The following NOP56 variants were observed in gnomAD, a reference collection of about 807,000 sequenced individuals.
NOP56 encodes the protein nucleolar protein 56.
NOP56 carries 31 observed loss-of-function variants against 58.3 expected under a neutral mutation model. The observed-to-expected ratio is 0.53, with a 90% CI of 0.40 to 0.72. The LOEUF (loss-of-function observed/expected upper bound fraction) is 0.72. NOP56 is among the 30% of genes least tolerant of loss of function. NOP56 has a pLI of 0.00. For synonymous variants in NOP56, 313 were observed against 282.8 expected (o/e 1.11, Z -1.07); for missense variants, 669 against 739.9 (o/e 0.90, Z 1.11).
intron 3 of NOP56, chr20:2,653,682 G>A: frequency 3.3e-6 from 1 of 303,644 alleles, no homozygotes; most frequent in South Asian, 3.8e-5. Context: ...TTTTGAGATG[G>A]AGTCTGTCCC....
In NOP56 at chr20:2,652,827, C is replaced by G. The variant is rs748700095; in HGVS notation, c.4-15C>G. On this transcript the variant is annotated splice_polypyrimidine_tract_variant and intron_variant, in intron 1 of 11. Coordinates refer to ENST00000329276, the MANE Select transcript of NOP56 (RefSeq NM_006392.4). ...TGAGGTTGCGTTGACGCTCGCGCCC[C>G]GGCTCCCGTTCCAGGTGCTGTTGCA... is the stretch of plus-strand genomic sequence containing the variant. The G allele has an allele frequency of 3.7e-6, 6 of 1,607,338 alleles. 1 individual carries two copies. Among genetic ancestry groups the G allele is most frequent in the Middle Eastern group, 1.7e-4 (1 of 5,840 alleles).
At chr20:2,656,927 A>G in intron 10 of NOP56, 32 bp downstream of exon 10, 1 of 1,614,098 alleles carries the variant, frequency 6.2e-7, no homozygotes, top group Non-Finnish European at 8.5e-7. Flanking sequence ...GTGGAGTGGC[A>G]TAGCTAGCTG....
chr20:2,656,391 A>G lies in NOP56; in HGVS notation c.1011-10A>G, dbSNP rs778795612. 6.2e-7 allele frequency: 1 copy of G among 1,614,030 alleles called. No individual in the cohort carries two copies. The highest frequency in any genetic ancestry group is 1.1e-5 in the South Asian group (1 of 91,082). ...TCTGATCTTAAACTCTCCACTGAAT[A>G]TTCTCTCAGAGCCCTGAAGACAAGG... On this transcript the variant is annotated splice_polypyrimidine_tract_variant and intron_variant, in intron 8 of 11. Coordinates refer to ENST00000329276, the MANE Select transcript of NOP56 (RefSeq NM_006392.4).
rs796296306 is a variant in NOP56, at chr20:2,655,751, G to A, written c.909+5G>A. ...TCAGCCCTAATTGGGGAAGCGGTGC[G>A]TCACAGGGGACTCAAAAATGGGAGA... On this transcript the variant is annotated splice_donor_5th_base_variant and intron_variant, in intron 7 of 11. Coordinates refer to ENST00000329276, the MANE Select transcript of NOP56 (RefSeq NM_006392.4). 4.3e-6 allele frequency: 7 copies of A among 1,614,062 alleles called. No homozygotes were observed. The highest frequency in any genetic ancestry group is 1.1e-5 in the South Asian group (1 of 91,084).
rs780014888 is a variant in NOP56 at position 2,654,940 on chromosome 20, C to T, written c.562C>T (p.Arg188Cys). Residue 188 changes from arginine to cysteine, a missense_variant, in exon 5 of 12, where the codon CGT (arginine) becomes TGT (cysteine). Arg to Cys is a radical substitution (Grantham distance 180). Coordinates refer to ENST00000329276, the MANE Select transcript of NOP56 (RefSeq NM_006392.4). ...TAAGGACATCAATACCTTCTCTATG[C>T]GTGTCAGGTAAAGTGCAGGGGCCAC... Reference protein sequence around the residue: ...LDKDINTFSMRVREWYGYHFP... With the variant: ...LDKDINTFSMCVREWYGYHFP... 1.2e-5 allele frequency: 20 copies of T among 1,613,944 alleles called. No individual in the cohort carries two copies. Among genetic ancestry groups the T allele is most frequent in the Non-Finnish European group, 1.6e-5 (19 of 1,180,028 alleles).
At chr20:2,653,051 GA>G in intron 2 of NOP56, 120 bp downstream of exon 2, 1 of 917,718 alleles carries the variant, frequency 1.1e-6, no homozygotes, top group Non-Finnish European at 1.6e-6. Context: ...GACGGGCCTG[GA>G]AAGCTCTAGA....
rs1050934252 is a variant in NOP56 at position 2,652,890 on chromosome 20, G to A, written c.52G>A (p.Ala18Thr). 1.3e-5 allele frequency: 21 copies of A among 1,610,714 alleles called. No homozygotes were observed. Among genetic ancestry groups the A allele is most frequent in the East Asian group, 2.2e-5 (1 of 44,666 alleles). Residue 18 changes from alanine to threonine, a missense_variant, in exon 2 of 12, where the codon GCG (alanine) becomes ACG (threonine). By Grantham distance (58) the Ala-to-Thr change is moderately conservative. This residue lies in a region of NOP56 where 121 missense variants were observed against 113.1 expected (regional missense o/e 1.07). Coordinates refer to ENST00000329276, the MANE Select transcript of NOP56 (RefSeq NM_006392.4). ...GCACGCGGTCGGCTACGCGCTGCTGGCGCTGAAGGAAGTGGAGGAGATCAG... is the reference window on the plus strand; with the variant it reads ...GCACGCGGTCGGCTACGCGCTGCTGACGCTGAAGGAAGTGGAGGAGATCAG... ...FEHAVGYALL[A>T]LKEVEEISLL... is the part of the protein sequence containing the mutation.
At position 2,658,188 on chromosome 20, in the gene NOP56, G is replaced by A; in HGVS notation, c.1679G>A (p.Arg560Lys). ...CACAGAAGTGGCTCCAAGAAAAAGA[G>A]GAAATTCTCCAAAGAGGAGCCGGTC... ...AGHRSGSKKK[R>K]KFSKEEPVSS... The change falls in exon 12 of 12, where the codon AGG becomes AAG. Residue 560 changes from arginine to lysine, a missense_variant. Physicochemically the swap from Arg to Lys is conservative, Grantham distance 26. This residue lies in a region of NOP56 where 209 missense variants were observed against 196.2 expected (regional missense o/e 1.07). Transcript: ENST00000329276. 6.2e-7 allele frequency: 1 copy of A among 1,610,210 alleles called. No homozygotes were observed. The highest frequency in any genetic ancestry group is 1.3e-5 in the African/African-American group (1 of 74,974).
chr20:2,652,968 A>T, intron 2 of NOP56, 37 bp downstream of exon 2: 1 of 1,532,160 alleles, frequency 6.5e-7, no homozygotes, highest in Admixed American at 1.9e-5. Context: ...GCGGCCCCGC[A>T]GACCCTCATC....
rs764490986 is a variant in NOP56, at chr20:2,653,274, C to T, written c.94-5C>T. The T allele has an allele frequency of 1.2e-6, 2 of 1,611,218 alleles. No homozygotes were observed. The highest frequency in any genetic ancestry group is 2.2e-5 in the East Asian group (1 of 44,860). ...GGAAACCACTTAGCCTCTTTCTCCC[C>T]CCAGGTGGAGGAGTCTGTGCTCAAC... On this transcript the variant is annotated splice_polypyrimidine_tract_variant and splice_region_variant and intron_variant, in intron 2 of 11. Transcript: ENST00000329276.
Position 2,654,052 on chromosome 20 carries a change from G to C in NOP56, c.209-362G>C, listed in dbSNP as rs73576050. ...GTGTCTGGTTCTCTGCTTTCTGTTC[G>C]ATTGGAAAGGGCAGTTGGGTAAACA... On this transcript the variant is annotated intron_variant, in intron 3 of 11. Coordinates refer to ENST00000329276, the MANE Select transcript of NOP56 (RefSeq NM_006392.4). 842 of 433,870 alleles carry C rather than the reference G, an allele frequency of 1.9e-3. 8 individuals are homozygous for C. The highest frequency in any genetic ancestry group is 0.016 in the African/African-American group (796 of 50,306). 26.9% of individuals were successfully genotyped at this position (433,870 alleles called of 1,614,324 possible).
intron 11 of NOP56, 129 bp downstream of exon 11, chr20:2,657,347 T>TCTAAAACTA (rs1410020313): frequency 7.8e-7 from 1 of 1,289,412 alleles, no homozygotes; most frequent in East Asian, 2.3e-5. Context: ...ACCTGAAACA[T>TCTAAAACTA]CTAAAACTAC....
chr20:2,657,413 C>T, intron 11 of NOP56, 195 bp downstream of exon 11: 1 of 833,056 alleles, frequency 1.2e-6, no homozygotes. Flanking sequence ...GCCCAGAGAG[C>T]TGGTTGTAGC....
At position 2,657,061 on chromosome 20, in the gene NOP56, T is replaced by C. The variant is rs531136782; in HGVS notation, c.1282-20T>C. On this transcript the variant is annotated intron_variant, in intron 10 of 11. Coordinates refer to ENST00000329276, the MANE Select transcript of NOP56 (RefSeq NM_006392.4). ...AGCACCAGAAGTCTTCAGGCCCTTTTAGCACTTTTCTTTGACCAGGCAGAG... is the reference window on the plus strand; with the variant it reads ...AGCACCAGAAGTCTTCAGGCCCTTTCAGCACTTTTCTTTGACCAGGCAGAG... 2 of 1,614,136 alleles carry C rather than the reference T, an allele frequency of 1.2e-6. No individual in the cohort carries two copies. The highest frequency in any genetic ancestry group is 4.5e-5 in the East Asian group (2 of 44,882).
At position 2,658,337 on chromosome 20, in the gene NOP56, C is replaced by G. The variant is rs746970225; in HGVS notation, c.*43C>G. On this transcript the variant is annotated 3_prime_UTR_variant, in exon 12 of 12. Coordinates refer to ENST00000329276, the MANE Select transcript of NOP56 (RefSeq NM_006392.4). ...TCTGGGAGGTGGGGCATACCATAGC[C>G]CAAGGTGACATTTCCCACCCTGTGC... 8.0e-5 allele frequency: 129 copies of G among 1,604,346 alleles called. No individual in the cohort carries two copies. The highest frequency in any genetic ancestry group is 1.0e-4 in the Non-Finnish European group (123 of 1,175,446).
intron 3 of NOP56, 100 bp from the exon 4 acceptor site, chr20:2,654,314 C>G (rs2146293025): frequency 8.3e-7 from 1 of 1,208,768 alleles, no homozygotes; most frequent in Middle Eastern, 1.9e-4. Context: ...TCTAGGTATG[C>G]CATCCCAGCG....
Position 2,652,868 on chromosome 20 carries a change from CG to C in NOP56, c.31del (p.Ala11ArgfsTer9). 6.2e-7 allele frequency: 1 copy of C among 1,611,510 alleles called. No homozygotes were observed. The highest frequency in any genetic ancestry group is 8.5e-7 in the Non-Finnish European group (1 of 1,179,236). MVLLHVLFEHAVGYALLALKE... is the reference protein window; with the variant it reads MVLLHVLFEHXVGYALLALKE... Reference sequence around the variant, plus strand: ...TGCTGTTGCACGTGCTGTTTGAGCACGCGGTCGGCTACGCGCTGCTGGCGCT... The same window carrying C: ...TGCTGTTGCACGTGCTGTTTGAGCACCGGTCGGCTACGCGCTGCTGGCGCT... On this transcript the variant is annotated frameshift_variant, in exon 2 of 12. Coordinates refer to ENST00000329276, the MANE Select transcript of NOP56 (RefSeq NM_006392.4). LOFTEE classifies it high-confidence loss of function.
In NOP56 at chr20:2,656,568, T is replaced by G; in HGVS notation, c.1159+19T>G. On this transcript the variant is annotated intron_variant, in intron 9 of 11. Transcript: ENST00000329276. ...TTCTCTGGTATGGGTGGGGGGGCGTTGGCAGGTGTGAGAAGGGGCTGGGTG... is the reference window on the plus strand; with the variant it reads ...TTCTCTGGTATGGGTGGGGGGGCGTGGGCAGGTGTGAGAAGGGGCTGGGTG... The G allele has an allele frequency of 6.4e-7, 1 of 1,568,624 alleles. No individual in the cohort carries two copies.
rs369864280 is a variant in NOP56 at position 2,657,233 on chromosome 20, C to T, written c.1419+15C>T. 24 of 1,613,896 alleles carry T rather than the reference C, an allele frequency of 1.5e-5. No individual in the cohort carries two copies. The highest frequency in any genetic ancestry group is 5.3e-5 in the African/African-American group (4 of 74,916). On this transcript the variant is annotated intron_variant, in intron 11 of 11. Transcript: ENST00000329276. ...AGGAGTGTGAGGTCAGTAGGCAGCACGGCCCTGGCAGAGATCCTAGGTTGT... is the reference window on the plus strand; with the variant it reads ...AGGAGTGTGAGGTCAGTAGGCAGCATGGCCCTGGCAGAGATCCTAGGTTGT...
Sources: gnomAD v4.1 joint callset for allele counts on GRCh38, gnomAD v4.1.1 for gene constraint, gnomAD v4.1.1 regional missense constraint, MANE v1.5 for transcripts, NCBI Gene and HGNC (gene_info 2026-07-23, HGNC 2026-07-21) for gene names.